UGT1A8: variants seen among roughly 807,000 people sequenced by gnomAD.
The protein encoded by UGT1A8 is UDP-glucuronosyltransferase 1A8.
A neutral mutation model predicts 45.3 loss-of-function variants in UGT1A8; 39 were observed. The ratio of observed to expected loss-of-function variants is 0.86; its 90% CI spans 0.67 to 1.12. The LOEUF (loss-of-function observed/expected upper bound fraction) is 1.12. Among genes scored for constraint, UGT1A8 ranks in the 50% most tolerant of loss-of-function variants. The pLI, the probability that UGT1A8 is intolerant of heterozygous loss-of-function variation, is 0.00. For missense variants in UGT1A8, 719 were observed against 664.9 expected (o/e 1.08, Z -0.90); for synonymous variants, 275 against 249.2 (o/e 1.10, Z -0.97).
chr2:233,668,259 A>G (rs2074117652), intron 1 of UGT1A8, among the ~76,000 whole-genome samples: 1 of 152,058 alleles, frequency 6.6e-6, no homozygotes, highest in Non-Finnish European at 1.5e-5. Flanking sequence ...CCTGTGTCCA[A>G]GTGTTCTCAT....
rs4148324 is a variant in UGT1A8 at position 233,764,076 on chromosome 2, T to G, written c.856-2958T>G. ...GAAATGCATTTGGGAAGGGAAAATC[T>G]AATTAAAAGCCTAAACTAAAAATAC... On this transcript the variant is annotated intron_variant, in intron 1 of 4. Transcript: ENST00000373450. Among the ~76,000 whole-genome samples, 54,742 of 151,994 alleles carry G rather than the reference T, an allele frequency of 0.36. 10,244 individuals carry two copies. Among genetic ancestry groups the G allele is most frequent in the African/African-American group, 0.44 (18,411 of 41,456 alleles).
chr2:233,692,244 C>G (rs1287404440), intron 1 of UGT1A8: 1 of 152,330 alleles, frequency 6.6e-6, no homozygotes, highest in Non-Finnish European at 1.5e-5. Flanking sequence ...CATGGCCATA[C>G]CCCCATATCT....
At chr2:233,672,941 G>T (rs4663871) in intron 1 of UGT1A8, 2 of 1,392,100 alleles carry the variant, frequency 1.4e-6, no homozygotes, top group East Asian at 2.4e-5. Context: ...GCGTGTACTC[G>T]TCAGTAGCAA....
chr2:233,658,093 A>G (rs1575406092), intron 1 of UGT1A8, among the ~76,000 whole-genome samples: 1 of 148,128 alleles, frequency 6.8e-6, no homozygotes. Context: ...ATCTTGGCTC[A>G]CTGCAACCTC....
At chr2:233,768,058 C>A in intron 3 of UGT1A8, 122 bp downstream of exon 3, 3 of 1,601,872 alleles carry the variant, frequency 1.9e-6, no homozygotes, top group Non-Finnish European at 2.6e-6. Context: ...TCCTACATTG[C>A]TTTTTATCTA....
At chr2:233,723,516 CTTTT>C (rs1162916866) in intron 1 of UGT1A8, among the ~76,000 whole-genome samples, 1 of 85,406 alleles carries the variant, frequency 1.2e-5, no homozygotes, top group African/African-American at 4.9e-5. Flanking sequence ...GGTCAACAAT[CTTTT>C]TTTTTTTTTT....
chr2:233,713,793 C>T (rs2076346799), intron 1 of UGT1A8: 2 of 1,613,928 alleles, frequency 1.2e-6, no homozygotes, highest in African/African-American at 1.3e-5. Context: ...TTACCCCAGG[C>T]CGATCATGCC....
intron 1 of UGT1A8, chr2:233,743,054 C>T (rs1031836290): frequency 1.9e-5 from 6 of 321,426 alleles, no homozygotes; most frequent in South Asian, 8.2e-5. Context: ...GTAGTCCCAA[C>T]GATAAGAACA....
At position 233,683,033 on chromosome 2, in the gene UGT1A8, T is replaced by C. The variant is rs559637342; in HGVS notation, c.855+64471T>C. 2.6e-4 allele frequency among the ~76,000 whole-genome samples: 39 copies of C among 152,264 alleles called. 1 individual carries two copies. The highest frequency in any genetic ancestry group is 9.1e-4 in the African/African-American group (38 of 41,556). ...GATCATATCTAGGCTGCAATCTAAA[T>C]GCTATTTTTGGAAAAATACAAAAAA... On this transcript the variant is annotated intron_variant, in intron 1 of 4. Transcript: ENST00000373450.
rs139693283 is a variant in UGT1A8 at position 233,697,582 on chromosome 2, T to C, written c.856-69452T>C. Among the ~76,000 whole-genome samples the C allele has an allele frequency of 3.1e-3, 475 of 152,066 alleles. 2 individuals are homozygous for C. Among genetic ancestry groups the C allele is most frequent in the Non-Finnish European group, 6.0e-3 (406 of 67,942 alleles). On this transcript the variant is annotated intron_variant, in intron 1 of 4. Coordinates refer to ENST00000373450, the MANE Select transcript of UGT1A8 (RefSeq NM_019076.5). ...GCCTCAATTTAATTTATTTTTTCCC[T>C]GATCTTTATTATTTCTTTCCTTCTA...
intron 1 of UGT1A8, chr2:233,672,235 C>T (rs994812808): frequency 6.2e-7 from 1 of 1,613,934 alleles, no homozygotes; most frequent in Non-Finnish European, 8.5e-7. Context: ...ATGGAAAGCA[C>T]AAGTACGAAG....
intron 1 of UGT1A8, chr2:233,754,910 C>G: frequency 7.4e-7 from 1 of 1,353,942 alleles, no homozygotes; most frequent in South Asian, 1.1e-5. Flanking sequence ...CCAAAATATT[C>G]TCCAGCGGGT....
At chr2:233,758,820 C>T (rs1028156613) in intron 1 of UGT1A8, among the ~76,000 whole-genome samples, 2 of 152,084 alleles carry the variant, frequency 1.3e-5, no homozygotes, top group African/African-American at 4.8e-5. Context: ...GCAGTATATC[C>T]CCCCCAAAAA....
At chr2:233,689,483 A>G (rs936155198) in intron 1 of UGT1A8, among the ~76,000 whole-genome samples, 5 of 152,240 alleles carry the variant, frequency 3.3e-5, no homozygotes, top group Admixed American at 1.3e-4. Flanking sequence ...ACAAGAAGAA[A>G]TCGCAAATCA....
At chr2:233,747,868 C>T (rs1693797482) in intron 1 of UGT1A8, 2 of 1,613,534 alleles carry the variant, frequency 1.2e-6, no homozygotes, top group Non-Finnish European at 1.7e-6. Flanking sequence ...TACCCTCTGG[C>T]CCTGTCCTAC....
chr2:233,682,299 T>C, intron 1 of UGT1A8: 1 of 1,614,216 alleles, frequency 6.2e-7, no homozygotes, highest in Non-Finnish European at 8.5e-7. Flanking sequence ...GACTTATTTT[T>C]TTCAAATTGC....
chr2:233,670,293 G>C (rs1461024226), intron 1 of UGT1A8, among the ~76,000 whole-genome samples: 1 of 152,194 alleles, frequency 6.6e-6, no homozygotes, highest in African/African-American at 2.4e-5. Context: ...GGGTGGCAGA[G>C]GGGGAAGAAG....
intron 1 of UGT1A8, among the ~76,000 whole-genome samples, chr2:233,628,817 C>T (rs2073136893): frequency 6.6e-6 from 1 of 152,208 alleles, no homozygotes; most frequent in African/African-American, 2.4e-5. Context: ...AATTTTTTAT[C>T]ACAAATCGAT....
At chr2:233,733,973 G>A (rs2078462378) in intron 1 of UGT1A8, among the ~76,000 whole-genome samples, 1 of 152,034 alleles carries the variant, frequency 6.6e-6, no homozygotes, top group African/African-American at 2.4e-5. Flanking sequence ...GGGGGAGCGG[G>A]GAGGGATAGC....
Sources: allele counts gnomAD v4.1 joint callset (sites outside exome capture counted in the v4.1 genomes callset), GRCh38; gene constraint gnomAD v4.1.1; transcripts MANE v1.5; gene names NCBI Gene and HGNC (gene_info 2026-07-23, HGNC 2026-07-21).